LAMC3: variants seen among roughly 807,000 people sequenced by gnomAD.
LAMC3 encodes laminin subunit gamma-3.
A neutral mutation model predicts 173.8 loss-of-function variants in LAMC3; 128 were observed. That is an observed-to-expected ratio of 0.74 (90% CI 0.64 to 0.85). LAMC3 has a LOEUF of 0.85. Among genes scored for constraint, LAMC3 ranks in the 40% least tolerant of loss-of-function variants. The pLI is 0.00. For synonymous variants in LAMC3, 897 were observed against 909.1 expected (o/e 0.99, Z 0.24); for missense variants, 2,022 against 2,156.0 (o/e 0.94, Z 1.23).
At chr9:131,051,817 AGGGTACTGGGAAAGGAGGAGGG>A (rs1834291525) in intron 9 of LAMC3, among the ~76,000 whole-genome samples, 2 of 42,546 alleles carry the variant, frequency 4.7e-5, no homozygotes, top group Non-Finnish European at 1.1e-4. Context: ...AGGAGGAGGG[AGGGTACTGGGAAAGGAGGAGGG>A]AGGGTGGCCT....
At position 131,073,322 on chromosome 9, in the gene LAMC3, G is replaced by A; in HGVS notation, c.3494+1G>A. On this transcript the variant is annotated splice_donor_variant, in intron 20 of 27. Coordinates refer to ENST00000361069, the MANE Select transcript of LAMC3 (RefSeq NM_006059.4). LOFTEE classifies it high-confidence loss of function. ...CAGAGGCCCGTGCCCTCGCCAGGAGGTGAGTCCCAAGACATGGTGAGCTTA... is the reference window on the plus strand; with the variant it reads ...CAGAGGCCCGTGCCCTCGCCAGGAGATGAGTCCCAAGACATGGTGAGCTTA... 1 of 1,612,822 alleles carries A rather than the reference G, an allele frequency of 6.2e-7. No homozygotes were observed. Among genetic ancestry groups the A allele is most frequent in the Non-Finnish European group, 8.5e-7 (1 of 1,179,024 alleles).
rs988247687 is a variant in LAMC3 at position 131,085,869 on chromosome 9, G to C, written c.4230+146G>C. The stretch of plus-strand genomic sequence containing the variant: ...AGGCAATTAGCTCAGAGACTTCACG[G>C]GGGTGAGTCTGTGGGTTCCTCACGA... On this transcript the variant is annotated intron_variant, in intron 25 of 27. Coordinates refer to ENST00000361069, the MANE Select transcript of LAMC3 (RefSeq NM_006059.4). The C allele has an allele frequency of 6.1e-5, 47 of 773,376 alleles. No homozygotes were observed. The Admixed American group carries it at 9.2e-4, about 15-fold the overall frequency. 47.9% of individuals were successfully genotyped at this position (773,376 alleles called of 1,614,324 possible).
At chr9:131,039,100 C>T (rs1833996785) in intron 5 of LAMC3, 31 bp from the exon 6 acceptor site, 3 of 1,611,806 alleles carry the variant, frequency 1.9e-6, no homozygotes, top group Non-Finnish European at 2.5e-6. Context: ...CCTTTCCTGG[C>T]CTCAATTGCC....
intron 9 of LAMC3, among the ~76,000 whole-genome samples, chr9:131,050,396 C>T (rs1407532690): frequency 6.6e-6 from 1 of 152,216 alleles, no homozygotes. Flanking sequence ...CACATCGACC[C>T]TCTGGCCAGC....
chr9:131,031,560 A>C (rs1833824444), intron 2 of LAMC3, among the ~76,000 whole-genome samples: 1 of 152,168 alleles, frequency 6.6e-6, no homozygotes, highest in Non-Finnish European at 1.5e-5. Context: ...TGAGCAGGGG[A>C]GAAGGTTGCG....
At chr9:131,088,945 C>T (rs189455321) in intron 27 of LAMC3, among the ~76,000 whole-genome samples, 4 of 152,022 alleles carry the variant, frequency 2.6e-5, no homozygotes, top group African/African-American at 9.7e-5. Flanking sequence ...ATTAGCCAGG[C>T]ATGGTGGCAC....
chr9:131,032,415 C>G (rs931624433), intron 3 of LAMC3, among the ~76,000 whole-genome samples: 15 of 151,984 alleles, frequency 9.9e-5, no homozygotes, highest in African/African-American at 3.4e-4. Context: ...CCATTGTCCC[C>G]TCAGCCTGGA....
Position 131,077,330 on chromosome 9 carries a change from C to G in LAMC3, c.3773C>G (p.Ala1258Gly). 3.7e-6 allele frequency: 6 copies of G among 1,613,738 alleles called. No individual in the cohort carries two copies. Among genetic ancestry groups the G allele is most frequent in the Non-Finnish European group, 5.1e-6 (6 of 1,180,032 alleles). The change falls in exon 22 of 28, where the codon GCT becomes GGT. Residue 1258 changes from alanine to glycine, a missense_variant. Transcript: ENST00000361069. The part of the protein sequence containing the change: ...PYLALLASPG[A>G]LPQKSRAEDL... ...CTGGCCTTGCTGGCTTCCCCGGGAG[C>G]TCTGGTCAGCTCAGTTGTCTCAGAG...
intron 3 of LAMC3, among the ~76,000 whole-genome samples, 158 bp downstream of exon 3, chr9:131,032,333 C>T (rs1181296721): frequency 6.6e-6 from 1 of 152,086 alleles, no homozygotes; most frequent in African/African-American, 2.4e-5. Flanking sequence ...TGGGGGTCCA[C>T]ACCCAGCCCA....
At chr9:131,013,078 T>C (rs916921908) in intron 1 of LAMC3, among the ~76,000 whole-genome samples, 10 of 152,204 alleles carry the variant, frequency 6.6e-5, no homozygotes, top group Admixed American at 6.5e-4. Flanking sequence ...TCCGGGGCTC[T>C]CACCGTGTAC....
At chr9:131,017,627 G>A (rs1158789927) in intron 1 of LAMC3, among the ~76,000 whole-genome samples, 2 of 149,292 alleles carry the variant, frequency 1.3e-5, no homozygotes, top group African/African-American at 4.9e-5. Flanking sequence ...TTGGGAGGCT[G>A]AGGCAGGAGA....
intron 3 of LAMC3, among the ~76,000 whole-genome samples, chr9:131,032,602 TTCTCTCTCTC>T (rs148698819): frequency 1.5e-3 from 177 of 118,794 alleles, no homozygotes; most frequent in African/African-American, 4.7e-3. Flanking sequence ...CTCACTCGCT[TTCTCTCTCTC>T]TCTCTCTCTC....
chr9:131,038,512 C>T (rs990855744), intron 4 of LAMC3, among the ~76,000 whole-genome samples: 19 of 152,132 alleles, frequency 1.2e-4, no homozygotes, highest in African/African-American at 4.6e-4. Flanking sequence ...GGAGGACCTC[C>T]AGGAGATTTT....
Position 131,071,618 on chromosome 9 carries a change from G to T in LAMC3, c.3204G>T (p.Leu1068=), listed in dbSNP as rs1227843190. Residue 1068 remains leucine (L), a synonymous_variant, in exon 18 of 28, where the codon CTG becomes CTT. Transcript: ENST00000361069. ...GGGACGTCTACCAGGGCCATCACCT[G>T]CTTCCAGGTACAGCAGGAGCGCAGA... is the stretch of plus-strand genomic sequence containing the variant. ...PRGDVYQGHH[L]LPGAREAFLE... 4 of 1,586,268 alleles carry T rather than the reference G, an allele frequency of 2.5e-6. No homozygotes were observed. Among genetic ancestry groups the T allele is most frequent in the Non-Finnish European group, 3.4e-6 (4 of 1,163,152 alleles).
chr9:131,066,861 C>T (rs1011442371), intron 13 of LAMC3, 99 bp from the exon 14 acceptor site: 28 of 1,504,868 alleles, frequency 1.9e-5, no homozygotes, highest in South Asian at 2.4e-5. Flanking sequence ...CGTGCTGCTC[C>T]GGGGAAGGTG....
At chr9:131,077,362 G>A (rs757196647) in intron 22 of LAMC3, 28 bp downstream of exon 22, 1 of 1,612,224 alleles carries the variant, frequency 6.2e-7, no homozygotes, top group Non-Finnish European at 8.5e-7. Context: ...AGAGCTCCGT[G>A]TGGGGTCGGG....
At chr9:131,049,155 T>TCCAGCACACA in intron 9 of LAMC3, 25 bp downstream of exon 9, 1 of 1,396,404 alleles carries the variant, frequency 7.2e-7, no homozygotes, top group Non-Finnish European at 9.9e-7. Context: ...AGGTGGGGGC[T>TCCAGCACACA]GGCCGCCCTG....
chr9:131,030,164 T>G (rs562875918), intron 2 of LAMC3, among the ~76,000 whole-genome samples: 1 of 152,302 alleles, frequency 6.6e-6, no homozygotes, highest in Admixed American at 6.5e-5. Context: ...GGTCTTGAAC[T>G]CCTGGTCTCA....
rs547458471 is a variant in LAMC3, at chr9:131,047,878, A to G, written c.1520-1142A>G. ...ACTCTGTCTCAAAAAAAAAGAAAAC[A>G]AGTAGTTTTTAAATTTTTATTATTT... is the stretch of plus-strand genomic sequence containing the variant. On this transcript the variant is annotated intron_variant, in intron 8 of 27. Coordinates refer to ENST00000361069, the MANE Select transcript of LAMC3 (RefSeq NM_006059.4). 4.5e-4 allele frequency among the ~76,000 whole-genome samples: 68 copies of G among 150,972 alleles called. 2 individuals are homozygous for G. The South Asian group carries it at 7.6e-3, about 17-fold the overall frequency.
Sources: gnomAD v4.1 joint callset for allele counts (sites outside exome capture counted in the v4.1 genomes callset) on GRCh38, gnomAD v4.1.1 for gene constraint, MANE v1.5 for transcripts, NCBI Gene and HGNC (gene_info 2026-07-23, HGNC 2026-07-21) for gene names.